Variants in PXDNL observed in about 807,000 individuals in gnomAD.
PXDNL encodes peroxidasin like.
In PXDNL, 145 loss-of-function variants were observed where a neutral mutation model predicts 150.8. The observed-to-expected ratio is 0.96, with a 90% CI of 0.84 to 1.10. The LOEUF is 1.10. PXDNL is among the 50% of genes least tolerant of loss of function. The pLI is 0.00. For synonymous variants in PXDNL, 757 were observed against 725.7 expected, an observed-to-expected ratio of 1.04 and a Z score of -0.69; for missense variants, 2,087 against 1,873.9, an observed-to-expected ratio of 1.11 and a Z score of -2.10.
At chr8:51,429,618 G>A (rs1459738649) in intron 12 of PXDNL, among the ~76,000 whole-genome samples, 2 of 151,332 alleles carry the variant, frequency 1.3e-5, no homozygotes, top group African/African-American at 4.9e-5. Context: ...GCTAAGTCCT[G>A]TGGTAGTAAA....
At chr8:51,413,117 CA>C in intron 15 of PXDNL, 32 bp downstream of exon 15, 3 of 1,270,620 alleles carry the variant, frequency 2.4e-6, no homozygotes, top group Non-Finnish European at 3.4e-6. Context: ...GAAATGAAAA[CA>C]AGGTTTCAAT....
chr8:51,541,603 C>T lies in PXDNL; in HGVS notation c.380+15237G>A, dbSNP rs1318468772. 2.6e-5 allele frequency among the ~76,000 whole-genome samples: 4 copies of T among 152,168 alleles called. No individual in the cohort carries two copies. In the South Asian group the frequency reaches 8.3e-4, roughly 32 times the overall value. ...TCCGGCCAAAGATTTTAGGGGAAGC[C>T]TCTGCAGGTCTCTAGGGCTCTCTGT... On this transcript the variant is annotated intron_variant, in intron 4 of 22. Transcript: ENST00000356297.
intron 1 of PXDNL, among the ~76,000 whole-genome samples, chr8:51,778,122 G>A (rs2037372490): frequency 6.6e-6 from 1 of 151,930 alleles, no homozygotes; most frequent in South Asian, 2.1e-4. Context: ...ATATCACAAG[G>A]TCAGGAGATC....
intron 4 of PXDNL, among the ~76,000 whole-genome samples, chr8:51,537,600 C>A (rs1298896735): frequency 6.6e-6 from 1 of 152,162 alleles, no homozygotes; most frequent in Non-Finnish European, 1.5e-5. Flanking sequence ...AGTTCCACCC[C>A]CTCCACTGAC....
chr8:51,708,243 G>A (rs530387299), intron 1 of PXDNL, among the ~76,000 whole-genome samples: 5 of 152,340 alleles, frequency 3.3e-5, no homozygotes, highest in Non-Finnish European at 7.3e-5. Context: ...GATTCACCTG[G>A]AATGACAGAG....
At chr8:51,631,408 T>C (rs1429687544) in intron 2 of PXDNL, among the ~76,000 whole-genome samples, 1 of 152,180 alleles carries the variant, frequency 6.6e-6, no homozygotes, top group Admixed American at 6.5e-5. Flanking sequence ...ATTACAAAGC[T>C]GCACATGTAC....
chr8:51,685,618 CTTTG>C (rs2031520412), intron 1 of PXDNL, among the ~76,000 whole-genome samples: 1 of 152,166 alleles, frequency 6.6e-6, no homozygotes, highest in Middle Eastern at 3.2e-3. Flanking sequence ...TTAACCCTTT[CTTTG>C]TTTACCTACA....
chr8:51,362,037 G>T (rs1420279822), intron 19 of PXDNL, among the ~76,000 whole-genome samples: 2 of 150,346 alleles, frequency 1.3e-5, no homozygotes, highest in Non-Finnish European at 2.9e-5. Flanking sequence ...ATAGGCAAAA[G>T]CTTCTAAAAA....
In PXDNL at chr8:51,447,233, G is replaced by A; in HGVS notation, c.1367-71C>T. On this transcript the variant is annotated intron_variant, in intron 11 of 22. Transcript: ENST00000356297. Reference sequence around the variant, plus strand: ...GAAAGCCAGAGCTGCTGGCTGTCCTGGCTAAAGGGTGAGGCCTGTCTTTCA... The same window carrying A: ...GAAAGCCAGAGCTGCTGGCTGTCCTAGCTAAAGGGTGAGGCCTGTCTTTCA... The A allele has an allele frequency of 2.0e-6, 3 of 1,520,406 alleles. No individual in the cohort carries two copies. The South Asian group carries it at 3.6e-5, about 18-fold the overall frequency. 94.2% of individuals were successfully genotyped at this position (1,520,406 alleles called of 1,614,324 possible). A position where few individuals can be genotyped will look rare whatever the true frequency, so the allele number is the denominator to read the frequency against.
chr8:51,803,113 G>A (rs1458246055), intron 1 of PXDNL, among the ~76,000 whole-genome samples: 1 of 152,190 alleles, frequency 6.6e-6, no homozygotes, highest in African/African-American at 2.4e-5. Flanking sequence ...GTTAGAACAT[G>A]TGCTGCAGCA....
chr8:51,615,079 T>C (rs1814103782), intron 2 of PXDNL, among the ~76,000 whole-genome samples: 1 of 152,218 alleles, frequency 6.6e-6, no homozygotes, highest in Admixed American at 6.5e-5. Flanking sequence ...TTCCTGTGAC[T>C]TCAATCAGAC....
intron 1 of PXDNL, among the ~76,000 whole-genome samples, chr8:51,681,148 A>G (rs1483140357): frequency 6.6e-6 from 1 of 152,154 alleles, no homozygotes; most frequent in African/African-American, 2.4e-5. Context: ...CATTCAATGG[A>G]CCAAACTCTT....
At chr8:51,687,163 C>T (rs1003501129) in intron 1 of PXDNL, among the ~76,000 whole-genome samples, 2 of 152,066 alleles carry the variant, frequency 1.3e-5, no homozygotes, top group African/African-American at 2.4e-5. Context: ...AAAATATATA[C>T]GTTTCTACTT....
chr8:51,456,730 A>G (rs953652791), intron 9 of PXDNL, among the ~76,000 whole-genome samples: 5 of 152,032 alleles, frequency 3.3e-5, no homozygotes, highest in Admixed American at 2.0e-4. Flanking sequence ...TCTCTTCCCA[A>G]CTCCACATTC....
intron 17 of PXDNL, among the ~76,000 whole-genome samples, chr8:51,393,935 G>C (rs914323224): frequency 2.0e-5 from 3 of 152,064 alleles, no homozygotes; most frequent in African/African-American, 7.2e-5. Context: ...CTTTTTTTAA[G>C]GCATCTATTT....
intron 22 of PXDNL, 36 bp from the exon 23 acceptor site, chr8:51,320,058 C>A: frequency 1.5e-6 from 2 of 1,367,396 alleles, no homozygotes; most frequent in Non-Finnish European, 1.9e-6. Context: ...CTCCATGTTT[C>A]TTATAATCAA....
chr8:51,666,259 AG>A (rs1229723113), intron 1 of PXDNL, among the ~76,000 whole-genome samples: 1 of 152,114 alleles, frequency 6.6e-6, no homozygotes, highest in East Asian at 1.9e-4. Flanking sequence ...CTCTTTGAAC[AG>A]TCTGTCTCAG....
intron 19 of PXDNL, 46 bp downstream of exon 19, chr8:51,371,827 G>T: frequency 6.9e-7 from 1 of 1,454,050 alleles, no homozygotes; most frequent in Non-Finnish European, 9.6e-7. Flanking sequence ...TCAAGCATGA[G>T]AACATGCACA....
chr8:51,754,011 T>C (rs1432073791), intron 1 of PXDNL, among the ~76,000 whole-genome samples: 1 of 152,184 alleles, frequency 6.6e-6, no homozygotes, highest in East Asian at 1.9e-4. Context: ...ATTTCTACAT[T>C]TTTCTCTTAG....
Sources: gnomAD v4.1 joint callset for allele counts (sites outside exome capture counted in the v4.1 genomes callset) on GRCh38, gnomAD v4.1.1 for gene constraint, MANE v1.5 for transcripts, NCBI Gene and HGNC (gene_info 2026-07-23, HGNC 2026-07-21) for gene names.